CPE: variants seen among roughly 807,000 people sequenced by gnomAD.
CPE encodes the protein carbocypeptidase E.
A neutral mutation model predicts 53.5 loss-of-function variants in CPE; 17 were observed. That is an observed-to-expected ratio of 0.32 (90% confidence interval 0.22 to 0.48). CPE has a LOEUF of 0.48. CPE is among the 20% of genes least tolerant of loss of function. The pLI, the probability that CPE is intolerant of heterozygous loss-of-function variation, is 0.99. For synonymous variants in CPE, 226 were observed against 228.8 expected (o/e 0.99, Z 0.11); for missense variants, 524 against 614.7 (o/e 0.85, Z 1.56).
intron 1 of CPE, among the ~76,000 whole-genome samples, chr4:165,435,261 C>T (rs192979516): frequency 4.1e-4 from 63 of 152,284 alleles, no homozygotes; most frequent in African/African-American, 1.5e-3. Context: ...ATAAGTTATA[C>T]AGCCTCAATG....
intron 1 of CPE, among the ~76,000 whole-genome samples, chr4:165,452,123 G>A (rs1372670883): frequency 1.3e-5 from 2 of 152,102 alleles, no homozygotes; most frequent in Admixed American, 6.5e-5. Flanking sequence ...CAGAAGGAGA[G>A]GGCAGAATGA....
intron 6 of CPE, among the ~76,000 whole-genome samples, chr4:165,491,888 G>A (rs1352201460): frequency 6.6e-6 from 1 of 152,192 alleles, no homozygotes; most frequent in Non-Finnish European, 1.5e-5. Flanking sequence ...AGTATCATAA[G>A]TAGCGAAAGA....
chr4:165,412,111 C>A (rs1313927558), intron 1 of CPE, among the ~76,000 whole-genome samples: 3 of 152,120 alleles, frequency 2.0e-5, no homozygotes, highest in Admixed American at 1.3e-4. Context: ...CCCAGCCAGC[C>A]TGAAAGTTGG....
intron 1 of CPE, among the ~76,000 whole-genome samples, chr4:165,461,166 C>CAAAAAAAAAAAAAAAAAGAGAAAGAAA (rs1731992726): frequency 2.3e-5 from 1 of 44,200 alleles, no homozygotes; most frequent in Non-Finnish European, 4.8e-5. Context: ...GCCTCTGCCT[C>CAAAAAAAAAAAAAAAAAGAGAAAGAAA]AAAAAAAAAA....
intron 1 of CPE, among the ~76,000 whole-genome samples, chr4:165,450,210 G>A (rs1438127008): frequency 6.6e-6 from 1 of 152,084 alleles, no homozygotes; most frequent in Non-Finnish European, 1.5e-5. Context: ...CTAAGGGAAG[G>A]GACAGGTGAA....
In CPE at chr4:165,398,724, G is replaced by A. The variant is rs147558657; in HGVS notation, c.307+19196G>A. 3.3e-3 allele frequency among the ~76,000 whole-genome samples: 499 copies of A among 152,272 alleles called. 3 individuals carry two copies. Among genetic ancestry groups the A allele is most frequent in the Non-Finnish European group, 6.0e-3 (410 of 68,024 alleles). On this transcript the variant is annotated intron_variant, in intron 1 of 8. Transcript: ENST00000402744. ...GTAGGTGTTGCCATGGTGACAGAACGGCTTAGCAACTGAAGACAGATTTCA... is the reference window on the plus strand; with the variant it reads ...GTAGGTGTTGCCATGGTGACAGAACAGCTTAGCAACTGAAGACAGATTTCA...
intron 1 of CPE, among the ~76,000 whole-genome samples, chr4:165,424,868 A>G (rs1283447331): frequency 6.8e-6 from 1 of 146,670 alleles, no homozygotes; most frequent in Admixed American, 6.9e-5. Flanking sequence ...TAATGATTTA[A>G]AAAGTAGAAA....
At chr4:165,461,313 G>C (rs1382988268) in intron 1 of CPE, among the ~76,000 whole-genome samples, 1 of 152,116 alleles carries the variant, frequency 6.6e-6, no homozygotes, top group Non-Finnish European at 1.5e-5. Flanking sequence ...ATGTGAAGCA[G>C]AGAGCATTAT....
rs1223495895 is a variant in CPE at position 165,450,831 on chromosome 4, GC to G, written c.308-13557del. Among the ~76,000 whole-genome samples the G allele has an allele frequency of 3.3e-5, 5 of 152,310 alleles. No homozygotes were observed. In the East Asian group the frequency reaches 9.6e-4, roughly 29 times the overall value. ...AGCAGCCTTGAAAATTATGCTGTATGCCTTTGAATGCGTGGGCACTCAAGTA... is the reference window on the plus strand; with the variant it reads ...AGCAGCCTTGAAAATTATGCTGTATGCTTTGAATGCGTGGGCACTCAAGTA... On this transcript the variant is annotated intron_variant, in intron 1 of 8. Coordinates refer to ENST00000402744, the MANE Select transcript of CPE (RefSeq NM_001873.4).
At chr4:165,429,700 T>TAAAA (rs35818467) in intron 1 of CPE, among the ~76,000 whole-genome samples, 2 of 146,644 alleles carry the variant, frequency 1.4e-5, no homozygotes, top group African/African-American at 5.0e-5. Flanking sequence ...AGACCCTGTT[T>TAAAA]AAAAAAAAAA....
chr4:165,389,226 C>T (rs1270918850), intron 1 of CPE, among the ~76,000 whole-genome samples: 2 of 151,980 alleles, frequency 1.3e-5, no homozygotes, highest in South Asian at 2.1e-4. Flanking sequence ...ATTTAGGGTT[C>T]GATGATGGCA....
intron 1 of CPE, among the ~76,000 whole-genome samples, chr4:165,423,390 A>C (rs1731260475): frequency 6.6e-6 from 1 of 151,982 alleles, no homozygotes; most frequent in Non-Finnish European, 1.5e-5. Context: ...TATTTTTTAA[A>C]AAAGTTTTAT....
intron 1 of CPE, among the ~76,000 whole-genome samples, chr4:165,406,883 C>T (rs571847048): frequency 2.0e-5 from 3 of 152,230 alleles, no homozygotes; most frequent in East Asian, 1.9e-4. Flanking sequence ...CTTTTGTGGC[C>T]GACTCCTTTA....
intron 2 of CPE, among the ~76,000 whole-genome samples, chr4:165,466,244 A>G (rs1318158326): frequency 6.6e-6 from 1 of 152,196 alleles, no homozygotes; most frequent in Non-Finnish European, 1.5e-5. Context: ...GGCAACTGCA[A>G]CACACTAGTA....
At chr4:165,426,624 A>G (rs961206747) in intron 1 of CPE, among the ~76,000 whole-genome samples, 1 of 152,190 alleles carries the variant, frequency 6.6e-6, no homozygotes, top group East Asian at 1.9e-4. Flanking sequence ...TAGAAGTAGG[A>G]AAAGGCAAAT....
chr4:165,456,739 A>ATTTT (rs35855408), intron 1 of CPE, among the ~76,000 whole-genome samples: 2,442 of 101,124 alleles, frequency 0.024, 193 homozygotes, highest in African/African-American at 0.081. Flanking sequence ...TGCCCAGCTA[A>ATTTT]TTTTTTTTTT....
At position 165,472,773 on chromosome 4, in the gene CPE, C is replaced by T. The variant is rs115038302; in HGVS notation, c.672+4918C>T. Among the ~76,000 whole-genome samples the T allele has an allele frequency of 3.7e-3, 563 of 152,308 alleles. 3 individuals carry two copies. The highest frequency in any genetic ancestry group is 0.013 in the African/African-American group (526 of 41,562). ...CTCTAAACTAGGTCAAAAAAATCCACATTTTTATGCCTTTTTATATAATCT... is the reference window on the plus strand; with the variant it reads ...CTCTAAACTAGGTCAAAAAAATCCATATTTTTATGCCTTTTTATATAATCT... On this transcript the variant is annotated intron_variant, in intron 3 of 8. Transcript: ENST00000402744.
intron 1 of CPE, among the ~76,000 whole-genome samples, chr4:165,453,462 G>A (rs762935704): frequency 6.6e-6 from 1 of 150,528 alleles, no homozygotes; most frequent in Non-Finnish European, 1.5e-5. Flanking sequence ...ATGGCTCACT[G>A]CAGTCTCAAC....
chr4:165,464,528 C>T lies in CPE; in HGVS notation c.446C>T (p.Thr149Ile), dbSNP rs1732066310. The change falls in exon 2 of 9, where the codon ACC becomes ATC. Residue 149 changes from threonine (T) to isoleucine (I), a missense_variant. Physicochemically the swap from Thr to Ile is moderately conservative, Grantham distance 89. Transcript: ENST00000402744. ...ACAATTGTCAACCTGATCCACAGTA[C>T]CCGCATTCACATCATGCCTTCCCTG... The part of the protein sequence containing the change: ...NETIVNLIHS[T>I]RIHIMPSLNP... 4 of 1,613,576 alleles carry T rather than the reference C, an allele frequency of 2.5e-6. No homozygotes were observed. The highest frequency in any genetic ancestry group is 3.4e-6 in the Non-Finnish European group (4 of 1,179,752).
Sources: allele counts gnomAD v4.1 joint callset (sites outside exome capture counted in the v4.1 genomes callset), GRCh38; gene constraint gnomAD v4.1.1; transcripts MANE v1.5; gene names NCBI Gene and HGNC (gene_info 2026-07-23, HGNC 2026-07-21).